The following ATP6V1H variants were observed in gnomAD, a reference collection of about 807,000 sequenced individuals.
ATP6V1H encodes the protein ATPase H+ transporting V1 subunit H.
Under a neutral mutation model 71.7 loss-of-function variants are expected in ATP6V1H, and 39 were observed. That is an observed-to-expected ratio of 0.54 (90% confidence interval 0.42 to 0.71). The LOEUF is 0.71. ATP6V1H is among the 30% of genes least tolerant of loss of function. The pLI is 0.00. For missense variants in ATP6V1H, 509 were observed against 594.9 expected (o/e 0.86, Z 1.50); for synonymous variants, 192 against 199.3 (o/e 0.96, Z 0.31).
rs189630210 is a variant in ATP6V1H at position 53,823,733 on chromosome 8, C to A, written c.306+5711G>T. Reference sequence around the variant, plus strand: ...TCATGAACCACCCACCTCGGACTCCCAAAGTGCTGGGATTACAGGCATGAG... The same window carrying A: ...TCATGAACCACCCACCTCGGACTCCAAAAGTGCTGGGATTACAGGCATGAG... On this transcript the variant is annotated intron_variant, in intron 4 of 13. Transcript: ENST00000359530. Among the ~76,000 whole-genome samples, 956 of 152,316 alleles carry A rather than the reference C, an allele frequency of 6.3e-3. 5 individuals carry two copies. The highest frequency in any genetic ancestry group is 0.011 in the Non-Finnish European group (773 of 68,030).
intron 9 of ATP6V1H, among the ~76,000 whole-genome samples, chr8:53,789,479 T>C (rs1367710259): frequency 2.6e-5 from 4 of 152,052 alleles, no homozygotes; most frequent in Admixed American, 1.3e-4. Context: ...CAAGACTCTG[T>C]CTCAAAAAGA....
intron 4 of ATP6V1H, among the ~76,000 whole-genome samples, chr8:53,825,607 T>C (rs1810801368): frequency 6.6e-6 from 1 of 152,140 alleles, no homozygotes; most frequent in African/African-American, 2.4e-5. Context: ...TAAATCTAGT[T>C]ATATAGGGAG....
Position 53,772,039 on chromosome 8 carries a change from T to C in ATP6V1H, c.999A>G (p.Glu333=). 6.2e-7 allele frequency: 1 copy of C among 1,614,094 alleles called. No individual in the cohort carries two copies. Among genetic ancestry groups the C allele is most frequent in the Non-Finnish European group, 8.5e-7 (1 of 1,179,954 alleles). ...GTTTTTCCAAAAGAAATTTGATATCTTCGCTGATATCTTCATCATCGTACT... is the reference window on the plus strand; with the variant it reads ...GTTTTTCCAAAAGAAATTTGATATCCTCGCTGATATCTTCATCATCGTACT... ...QQKYDDEDIS[E]DIKFLLEKLG... is the part of the protein sequence containing the mutation. Residue 333 remains glutamate (E), a synonymous_variant, in exon 10 of 14, where the codon GAA becomes GAG. Transcript: ENST00000359530.
chr8:53,736,182 TA>T, intron 13 of ATP6V1H, among the ~76,000 whole-genome samples: 1 of 152,218 alleles, frequency 6.6e-6, no homozygotes, highest in Non-Finnish European at 1.5e-5. Flanking sequence ...AGCACTTATA[TA>T]TAAGTGTCCC....
chr8:53,717,965 C>T (rs182592476), intron 13 of ATP6V1H, among the ~76,000 whole-genome samples: 1 of 152,214 alleles, frequency 6.6e-6, no homozygotes, highest in East Asian at 1.9e-4. Context: ...CCTAAAGCAC[C>T]AATGTCAAGG....
At chr8:53,790,495 T>C (rs1809532660) in intron 9 of ATP6V1H, among the ~76,000 whole-genome samples, 1 of 152,186 alleles carries the variant, frequency 6.6e-6, no homozygotes, top group Non-Finnish European at 1.5e-5. Context: ...TTAGCACATA[T>C]TTTTCGAAGG....
At chr8:53,769,892 C>T in intron 10 of ATP6V1H, 149 bp from the exon 11 acceptor site, 2 of 666,478 alleles carry the variant, frequency 3.0e-6, no homozygotes, top group Non-Finnish European at 4.8e-6. Context: ...GAACTTTAAA[C>T]AGTTTAAATA....
At position 53,815,133 on chromosome 8, in the gene ATP6V1H, C is replaced by T. The variant is rs117821220; in HGVS notation, c.421-367G>A. On this transcript the variant is annotated intron_variant, in intron 5 of 13. Transcript: ENST00000359530. ...ACCACTTGCCAGAATTCTAAGCAAT[C>T]TCTTCAACAAACTGCCAGCCTCTCC... Among the ~76,000 whole-genome samples, 200 of 152,222 alleles carry T rather than the reference C, an allele frequency of 1.3e-3. 1 individual carries two copies. Among genetic ancestry groups the T allele is most frequent in the Non-Finnish European group, 2.4e-3 (160 of 68,008 alleles).
intron 9 of ATP6V1H, among the ~76,000 whole-genome samples, chr8:53,783,753 A>G (rs1173221027): frequency 1.3e-5 from 2 of 151,976 alleles, no homozygotes; most frequent in Non-Finnish European, 2.9e-5. Flanking sequence ...CTTTGTTCTC[A>G]TTGGTTTCAA....
intron 8 of ATP6V1H, among the ~76,000 whole-genome samples, chr8:53,799,883 C>G (rs1809854515): frequency 6.6e-6 from 1 of 152,210 alleles, no homozygotes; most frequent in African/African-American, 2.4e-5. Flanking sequence ...GACACCAAAT[C>G]TGCTAGTGCC....
At chr8:53,747,405 T>G (rs1807642436) in intron 12 of ATP6V1H, among the ~76,000 whole-genome samples, 1 of 152,186 alleles carries the variant, frequency 6.6e-6, no homozygotes, top group Admixed American at 6.5e-5. Context: ...ATTACCGTTT[T>G]TAAAAATAAA....
chr8:53,832,868 A>G, intron 3 of ATP6V1H, 116 bp downstream of exon 3: 1 of 623,406 alleles, frequency 1.6e-6, no homozygotes, highest in South Asian at 2.2e-5. Flanking sequence ...AACATGCTCA[A>G]TATAACGTTC....
At position 53,795,749 on chromosome 8, in the gene ATP6V1H, C is replaced by A; in HGVS notation, c.768G>T (p.Met256Ile). The A allele has an allele frequency of 6.2e-7, 1 of 1,614,038 alleles. No homozygotes were observed. The highest frequency in any genetic ancestry group is 1.1e-5 in the South Asian group (1 of 91,070). ...SIWLLAFSPQ[M>I]CEHLRRYNII... ...TATTATAGCGCCGCAGGTGTTCACA[C>A]ATTTGAGGACTGAATGCCAGGAGCC... Residue 256 changes from methionine to isoleucine, a missense_variant, in exon 9 of 14, where the codon ATG (methionine) becomes ATT (isoleucine). This residue lies in a region of ATP6V1H where 212 missense variants were observed against 291.6 expected (regional missense o/e 0.73). Transcript: ENST00000359530.
At chr8:53,725,959 T>G (rs1806795892) in intron 13 of ATP6V1H, among the ~76,000 whole-genome samples, 1 of 152,172 alleles carries the variant, frequency 6.6e-6, no homozygotes, top group Non-Finnish European at 1.5e-5. Context: ...GGGAAAAAAC[T>G]AGGCAAAATT....
intron 11 of ATP6V1H, among the ~76,000 whole-genome samples, chr8:53,758,423 A>G (rs937568865): frequency 6.6e-6 from 1 of 152,192 alleles, no homozygotes; most frequent in Non-Finnish European, 1.5e-5. Context: ...GCAATTATTT[A>G]AAGGCATTTT....
chr8:53,782,760 G>C (rs1231407323), intron 9 of ATP6V1H, among the ~76,000 whole-genome samples: 1 of 152,162 alleles, frequency 6.6e-6, no homozygotes, highest in Non-Finnish European at 1.5e-5. Context: ...AAGGGTTGTT[G>C]AATTTTGTCA....
intron 2 of ATP6V1H, among the ~76,000 whole-genome samples, chr8:53,840,663 GATTAA>G (rs1811316629): frequency 6.6e-6 from 1 of 152,118 alleles, no homozygotes; most frequent in African/African-American, 2.4e-5. Flanking sequence ...TTTGATGAGT[GATTAA>G]ATTAACAGAA....
At chr8:53,766,639 A>G (rs1808477867) in intron 11 of ATP6V1H, among the ~76,000 whole-genome samples, 2 of 152,216 alleles carry the variant, frequency 1.3e-5, no homozygotes. Context: ...CCTGAGAAAG[A>G]GAATGCGCAC....
Position 53,803,336 on chromosome 8 carries a change from C to CA in ATP6V1H, c.580-1441dup, listed in dbSNP as rs562828298. On this transcript the variant is annotated intron_variant, in intron 7 of 13. Transcript: ENST00000359530. ...TGGGTGACAGAGTGAGACTCTATCT[C>CA]AAAAAAAAAATAAAAACAGAAGAAG... Among the ~76,000 whole-genome samples, 334 of 142,462 alleles carry CA rather than the reference C, an allele frequency of 2.3e-3. 1 individual carries two copies. The highest frequency in any genetic ancestry group is 7.5e-3 in the African/African-American group (288 of 38,648). The allele number at this position is 142,462 out of a possible 152,430, so 93.5% of individuals were successfully genotyped here.
Sources: gnomAD v4.1 joint callset for allele counts (sites outside exome capture counted in the v4.1 genomes callset) on GRCh38, gnomAD v4.1.1 for gene constraint, gnomAD v4.1.1 regional missense constraint, MANE v1.5 for transcripts, NCBI Gene and HGNC (gene_info 2026-07-23, HGNC 2026-07-21) for gene names.